NLK: variants seen among roughly 807,000 people sequenced by gnomAD.
NLK encodes nemo like kinase.
A neutral mutation model predicts 59.0 loss-of-function variants in NLK; 11 were observed. The observed-to-expected ratio is 0.19, with a 90% CI of 0.12 to 0.31. The LOEUF (loss-of-function observed/expected upper bound fraction) is 0.31, where lower values mean the gene tolerates loss of function less well. Among genes scored for constraint, NLK ranks in the 10% least tolerant of loss-of-function variants. NLK has a pLI of 1.00. For synonymous variants in NLK, 235 were observed against 235.9 expected (o/e 1.00, Z 0.03); for missense variants, 410 against 661.1 (o/e 0.62, Z 4.16).
At chr17:28,140,077 A>G (rs1233891953) in intron 3 of NLK, among the ~76,000 whole-genome samples, 1 of 152,170 alleles carries the variant, frequency 6.6e-6, no homozygotes, top group Non-Finnish European at 1.5e-5. Context: ...GATATTCCAG[A>G]TGGTGAGAGT....
Position 28,042,946 on chromosome 17 carries a change from G to C in NLK, c.73G>C (p.Ala25Pro), listed in dbSNP as rs1052839934. 3.9e-6 allele frequency: 6 copies of C among 1,551,496 alleles called. No individual in the cohort carries two copies. The highest frequency in any genetic ancestry group is 5.2e-6 in the Non-Finnish European group (6 of 1,147,014). Reference sequence around the variant, plus strand: ...CAATGGCGGTACATCTGCAGCAGCAGCAGGTCACCACCACCACCATCACCA... The same window carrying C: ...CAATGGCGGTACATCTGCAGCAGCACCAGGTCACCACCACCACCATCACCA... ...AYNGGTSAAA[A>P]GHHHHHHHHL... The change falls in exon 1 of 11, where the codon GCA (alanine) becomes CCA (proline). Residue 25 changes from alanine (A) to proline (P), a missense_variant. Ala to Pro is a conservative substitution (Grantham distance 27). Transcript: ENST00000407008.
intron 1 of NLK, among the ~76,000 whole-genome samples, chr17:28,106,980 T>G (rs190364268): frequency 3.6e-4 from 54 of 152,106 alleles, no homozygotes; most frequent in African/African-American, 1.0e-3. Flanking sequence ...ACTACTGAAA[T>G]GGATAATTAA....
chr17:28,199,186 T>A (rs927831761), downstream of NLK, among the ~76,000 whole-genome samples: 3 of 152,268 alleles, frequency 2.0e-5, no homozygotes. Context: ...AGATTAAAAA[T>A]TAACCAAAAA....
intron 3 of NLK, among the ~76,000 whole-genome samples, chr17:28,139,042 G>A (rs1906875793): frequency 6.6e-6 from 1 of 152,192 alleles, no homozygotes; most frequent in Admixed American, 6.5e-5. Context: ...GATCACCTGA[G>A]GTCAGGAGCT....
At chr17:28,056,372 T>C (rs1368374649) in intron 1 of NLK, among the ~76,000 whole-genome samples, 2 of 152,218 alleles carry the variant, frequency 1.3e-5, no homozygotes, top group Admixed American at 1.3e-4. Flanking sequence ...GCTAAGAGAT[T>C]TGTTCAACGT....
intron 3 of NLK, among the ~76,000 whole-genome samples, chr17:28,152,173 C>T (rs998905969): frequency 2.0e-5 from 3 of 152,168 alleles, no homozygotes; most frequent in Non-Finnish European, 2.9e-5. Context: ...TTTTCTGAAA[C>T]GAGTACTTAG....
intron 6 of NLK, among the ~76,000 whole-genome samples, chr17:28,171,613 C>T (rs1356832643): frequency 6.6e-6 from 1 of 152,136 alleles, no homozygotes; most frequent in African/African-American, 2.4e-5. Context: ...TGTACTGGCC[C>T]AAGCATGGAG....
chr17:28,085,342 A>G (rs2142770715), intron 1 of NLK, among the ~76,000 whole-genome samples: 1 of 152,340 alleles, frequency 6.6e-6, no homozygotes, highest in Non-Finnish European at 1.5e-5. Context: ...ATAAGTAATT[A>G]AATTTAAACT....
chr17:28,141,461 G>A (rs553673164), intron 3 of NLK, among the ~76,000 whole-genome samples: 4 of 152,108 alleles, frequency 2.6e-5, no homozygotes, highest in Non-Finnish European at 2.9e-5. Flanking sequence ...ATGCTGTTGC[G>A]GTTGCTTGTA....
Position 28,043,121 on chromosome 17 carries a change from C to T in NLK, c.248C>T (p.Ala83Val), listed in dbSNP as rs968848628. ...GCCGCAGCAGCGGCTGCAGCTGCAGCCATGTTAAACCCTGGGCAACAACAG... is the reference window on the plus strand; with the variant it reads ...GCCGCAGCAGCGGCTGCAGCTGCAGTCATGTTAAACCCTGGGCAACAACAG... ...AAAAAAAAAA[A>V]MLNPGQQQPY... The change falls in exon 1 of 11, where the codon GCC becomes GTC. Residue 83 changes from alanine to valine, a missense_variant. Physicochemically the swap from Ala to Val is moderately conservative, Grantham distance 64. Transcript: ENST00000407008. The T allele has an allele frequency of 3.1e-5, 50 of 1,603,000 alleles. No individual in the cohort carries two copies. Among genetic ancestry groups the T allele is most frequent in the Non-Finnish European group, 4.1e-5 (48 of 1,174,744 alleles).
intron 10 of NLK, 96 bp downstream of exon 10, chr17:28,192,309 T>C: frequency 1.4e-6 from 1 of 697,870 alleles, no homozygotes; most frequent in East Asian, 2.8e-5. Flanking sequence ...TTAGATAACA[T>C]AGATAAAAGG....
chr17:28,108,255 A>G (rs1361849675), intron 1 of NLK, among the ~76,000 whole-genome samples: 1 of 152,174 alleles, frequency 6.6e-6, no homozygotes, highest in Non-Finnish European at 1.5e-5. Context: ...ATTCCTGACA[A>G]TCCAAAAGTA....
chr17:28,099,101 G>A (rs1904810163), intron 1 of NLK, among the ~76,000 whole-genome samples: 1 of 151,970 alleles, frequency 6.6e-6, no homozygotes, highest in Non-Finnish European at 1.5e-5. Flanking sequence ...ATAATACAAC[G>A]CCAAAATACT....
intron 4 of NLK, among the ~76,000 whole-genome samples, 198 bp from the exon 5 acceptor site, chr17:28,163,345 A>G (rs1908091952): frequency 6.6e-6 from 1 of 152,248 alleles, no homozygotes; most frequent in Non-Finnish European, 1.5e-5. Flanking sequence ...TAGACTTTGC[A>G]AACCTTTGGT....
chr17:28,167,332 G>T (rs577383237), intron 5 of NLK, among the ~76,000 whole-genome samples: 2 of 151,906 alleles, frequency 1.3e-5, no homozygotes, highest in South Asian at 4.2e-4. Context: ...AAACTCCTGG[G>T]CTCAAGCAGT....
intron 1 of NLK, among the ~76,000 whole-genome samples, chr17:28,085,366 A>C (rs1910478204): frequency 1.3e-5 from 2 of 152,240 alleles, no homozygotes; most frequent in South Asian, 4.1e-4. Flanking sequence ...ACAAGCGAAG[A>C]AAGTACATAC....
intron 1 of NLK, among the ~76,000 whole-genome samples, chr17:28,067,509 T>G (rs1909869271): frequency 6.6e-6 from 1 of 150,702 alleles, no homozygotes; most frequent in African/African-American, 2.4e-5. Flanking sequence ...ATGTGAAGAT[T>G]AAATACATGG....
At chr17:28,183,519 G>A (rs370433245) in intron 7 of NLK, among the ~76,000 whole-genome samples, 1 of 152,040 alleles carries the variant, frequency 6.6e-6, no homozygotes, top group East Asian at 1.9e-4. Context: ...TGTAGCAATG[G>A]CATCTCACAA....
chr17:28,043,469 A>G, intron 1 of NLK, 138 bp downstream of exon 1: 1 of 739,238 alleles, frequency 1.4e-6, no homozygotes, highest in Non-Finnish European at 2.2e-6. Flanking sequence ...AGCCACCCTC[A>G]CTTATGTGGT....
Sources: allele counts gnomAD v4.1 joint callset (sites outside exome capture counted in the v4.1 genomes callset), GRCh38; gene constraint gnomAD v4.1.1; transcripts MANE v1.5; gene names NCBI Gene and HGNC (gene_info 2026-07-23, HGNC 2026-07-21).